ZNF274: variants seen among roughly 807,000 people sequenced by gnomAD.
The protein encoded by ZNF274 is neurotrophin receptor-interacting factor homolog.
Under a neutral mutation model 42.5 loss-of-function variants are expected in ZNF274, and 23 were observed. The ratio of observed to expected loss-of-function variants is 0.54; its 90% CI spans 0.39 to 0.77. ZNF274 has a LOEUF of 0.77. Among genes scored for constraint, ZNF274 ranks in the 30% least tolerant of loss-of-function variants. The pLI, the probability that ZNF274 is intolerant of heterozygous loss-of-function variation, is 0.00. For missense variants in ZNF274, 679 were observed against 806.5 expected, an observed-to-expected ratio of 0.84 and a Z score of 1.91; for synonymous variants, 292 against 305.4, an observed-to-expected ratio of 0.96 and a Z score of 0.46.
intron 4 of ZNF274, among the ~76,000 whole-genome samples, chr19:58,201,012 G>T (rs1008705023): frequency 7.8e-5 from 11 of 140,984 alleles, no homozygotes; most frequent in African/African-American, 1.6e-4. Context: ...TGTTTGTTTT[G>T]TTTTTTTTTT....
At position 58,211,781 on chromosome 19, in the gene ZNF274, C is replaced by T. The variant is rs1484444260; in HGVS notation, c.979+95C>T. ...CACCTTCTCTAGACTCCACACTGGG[C>T]ATTCCCTCAAGGGGCCCTTGCTGCA... On this transcript the variant is annotated intron_variant, in intron 7 of 7. Coordinates refer to ENST00000617501, the MANE Select transcript of ZNF274 (RefSeq NM_133502.3). The surrounding 1 kb of genome is among the most constrained non-coding windows in gnomAD (Gnocchi z 4.8). The T allele has an allele frequency of 1.3e-6, 2 of 1,485,340 alleles. No homozygotes were observed. Among genetic ancestry groups the T allele is most frequent in the Non-Finnish European group, 1.8e-6 (2 of 1,111,020 alleles). 92.0% of individuals were successfully genotyped at this position (1,485,340 alleles called of 1,614,324 possible). A position where few individuals can be genotyped will look rare whatever the true frequency, so the allele number is the denominator to read the frequency against.
At chr19:58,198,845 T>C (rs1214344117) in intron 4 of ZNF274, among the ~76,000 whole-genome samples, 1 of 149,756 alleles carries the variant, frequency 6.7e-6, no homozygotes, top group Non-Finnish European at 1.5e-5. Context: ...ATTGACCACT[T>C]GCATCTGAGT....
intron 4 of ZNF274, among the ~76,000 whole-genome samples, chr19:58,191,787 T>A (rs74611720): frequency 6.6e-6 from 1 of 152,218 alleles, no homozygotes; most frequent in African/African-American, 2.4e-5. Context: ...CTTAATTAGA[T>A]GCTGTCCTTC....
rs139551547 is a variant in ZNF274, at chr19:58,212,434, C to T, written c.1253C>T (p.Ser418Leu). ...GGTGCTCTTGACACAAACCAAGTTT[C>T]GCTCCAGAAAATTGACAACCCTGAG... Reference protein sequence around the residue: ...NSGALDTNQVSLQKIDNPESQ... With the variant: ...NSGALDTNQVLLQKIDNPESQ... The change falls in exon 8 of 8, where the codon TCG becomes TTG. Residue 418 changes from serine (S) to leucine (L), a missense_variant. This residue lies in a region of ZNF274 where 456 missense variants were observed against 590.1 expected (regional missense o/e 0.77). Transcript: ENST00000617501. This position sits in a 1 kb window ranked among gnomAD's most constrained non-coding sequence, Gnocchi z 4.6. 6.0e-5 allele frequency: 96 copies of T among 1,612,624 alleles called. No individual in the cohort carries two copies. The African/African-American group carries it at 9.6e-4, about 16-fold the overall frequency.
Position 58,212,759 on chromosome 19 carries a change from GA to G in ZNF274, c.1582del (p.Ile528SerfsTer55). On this transcript the variant is annotated frameshift_variant, in exon 8 of 8. Coordinates refer to ENST00000617501, the MANE Select transcript of ZNF274 (RefSeq NM_133502.3). LOFTEE classifies it high-confidence loss of function. The surrounding 1 kb of genome is among the most constrained non-coding windows in gnomAD (Gnocchi z 4.6). ...ACCCAAGATACTTTTCTGTGCATAA[GA>G]AAATCCATACCGGAGAGAGGCCCTA... ...RNPRYFSVHK[K>X]IHTGERPYVC... 6.2e-7 allele frequency: 1 copy of G among 1,614,032 alleles called. No homozygotes were observed. Among genetic ancestry groups the G allele is most frequent in the Non-Finnish European group, 8.5e-7 (1 of 1,179,902 alleles).
Position 58,207,324 on chromosome 19 carries a change from G to A in ZNF274, c.739+122G>A. On this transcript the variant is annotated intron_variant, in intron 5 of 7. Transcript: ENST00000617501. The surrounding 1 kb of genome is among the most constrained non-coding windows in gnomAD (Gnocchi z 5.6). ...GGAAGGATTGTGTCCGCTCCATACA[G>A]ACCAAGGACATCCATGTTGCCCACG... The A allele has an allele frequency of 2.8e-6, 4 of 1,414,106 alleles. No individual in the cohort carries two copies. In the South Asian group the frequency reaches 6.0e-5, roughly 21 times the overall value. The allele number at this position is 1,414,106 out of a possible 1,614,324, so 87.6% of individuals were successfully genotyped here.
At position 58,210,081 on chromosome 19, in the gene ZNF274, G is replaced by A. The variant is rs759183313; in HGVS notation, c.852+8G>A. 6.2e-7 allele frequency: 1 copy of A among 1,611,772 alleles called. No homozygotes were observed. The highest frequency in any genetic ancestry group is 2.2e-5 in the East Asian group (1 of 44,846). Reference sequence around the variant, plus strand: ...GTGACAGTGCTCCCTGAGGTAAGCGGGGAGTATCACCCTGTTTTGGTCACA... The same window carrying A: ...GTGACAGTGCTCCCTGAGGTAAGCGAGGAGTATCACCCTGTTTTGGTCACA... On this transcript the variant is annotated splice_region_variant and intron_variant, in intron 6 of 7. Transcript: ENST00000617501.
chr19:58,207,298 G>C lies in ZNF274; in HGVS notation c.739+96G>C. 1 of 1,470,148 alleles carries C rather than the reference G, an allele frequency of 6.8e-7. No homozygotes were observed. The allele number at this position is 1,470,148 out of a possible 1,614,324, so 91.1% of individuals were successfully genotyped here. A position where few individuals can be genotyped will look rare whatever the true frequency, so the allele number is the denominator to read the frequency against. ...ACTCCAGGCTTCCTAGGAAGGTCAT[G>C]GGAAGGATTGTGTCCGCTCCATACA... On this transcript the variant is annotated intron_variant, in intron 5 of 7. Coordinates refer to ENST00000617501, the MANE Select transcript of ZNF274 (RefSeq NM_133502.3). The surrounding 1 kb of genome is among the most constrained non-coding windows in gnomAD (Gnocchi z 5.6).
At position 58,195,219 on chromosome 19, in the gene ZNF274, A is replaced by ATATG. The variant is rs2075827719; in HGVS notation, c.256+8178_256+8179insATGT. 1.4e-5 allele frequency among the ~76,000 whole-genome samples: 2 copies of ATATG among 144,938 alleles called. 1 individual carries two copies. Among genetic ancestry groups the ATATG allele is most frequent in the South Asian group, 4.2e-4 (2 of 4,716 alleles). On this transcript the variant is annotated intron_variant, in intron 4 of 7. Transcript: ENST00000617501. ...CTCAAAAAAAAAAAAATACACATATATGTGTGTGTATATATGTGTGTGTAT... is the reference window on the plus strand; with the variant it reads ...CTCAAAAAAAAAAAAATACACATATATATGTGTGTGTGTATATATGTGTGTGTAT...
At chr19:58,201,759 C>T (rs886553339) in intron 4 of ZNF274, among the ~76,000 whole-genome samples, 4 of 152,094 alleles carry the variant, frequency 2.6e-5, no homozygotes, top group African/African-American at 9.7e-5. Flanking sequence ...TTGTGATCTG[C>T]CCACCTCGGC....
chr19:58,209,383 G>A (rs780762427), intron 5 of ZNF274: 1 of 152,484 alleles, frequency 6.6e-6, no homozygotes, highest in Admixed American at 6.5e-5. Flanking sequence ...TGGACCATTT[G>A]GGGTCATGTG....
chr19:58,201,107 C>T (rs977152486), intron 4 of ZNF274, among the ~76,000 whole-genome samples: 8 of 151,096 alleles, frequency 5.3e-5, no homozygotes, highest in Non-Finnish European at 8.8e-5. Context: ...TGAGTTCAAG[C>T]GATTCTCCCA....
At chr19:58,193,267 C>T (rs2146207026) in intron 4 of ZNF274, among the ~76,000 whole-genome samples, 1 of 151,868 alleles carries the variant, frequency 6.6e-6, no homozygotes, top group South Asian at 2.1e-4. Context: ...CTGCCTCAGC[C>T]TCCCGAGTAG....
At position 58,212,330 on chromosome 19, in the gene ZNF274, G is replaced by A; in HGVS notation, c.1149G>A (p.Leu383=). 1.9e-6 allele frequency: 3 copies of A among 1,614,032 alleles called. No homozygotes were observed. The highest frequency in any genetic ancestry group is 2.5e-6 in the Non-Finnish European group (3 of 1,179,904). ...TCCAGGAAGTCCAAGACACAGTGTT[G>A]AAGCAGATGGAGTCTGCTCAGGAAA... is the stretch of plus-strand genomic sequence containing the variant. ...GGVQEVQDTV[L]KQMESAQEKD... Residue 383 remains leucine, a synonymous_variant, in exon 8 of 8, where the codon TTG becomes TTA. Transcript: ENST00000617501. This position sits in a 1 kb window ranked among gnomAD's most constrained non-coding sequence, Gnocchi z 4.6.
rs1373282154 is a variant in ZNF274 at position 58,213,010 on chromosome 19, A to T, written c.1829A>T (p.Gln610Leu). 1.2e-6 allele frequency: 2 copies of T among 1,614,010 alleles called. No homozygotes were observed. The highest frequency in any genetic ancestry group is 4.5e-5 in the East Asian group (2 of 44,888). Reference sequence around the variant, plus strand: ...CAGAGCTCCCACCTCATCAGACATCAGAGGACTCACACCGGGGAGCGCCCA... The same window carrying T: ...CAGAGCTCCCACCTCATCAGACATCTGAGGACTCACACCGGGGAGCGCCCA... The part of the protein sequence containing the change: ...FRQSSHLIRH[Q>L]RTHTGERPYA... Residue 610 changes from glutamine (Q) to leucine (L), a missense_variant, in exon 8 of 8, where the codon CAG (glutamine) becomes CTG (leucine). Transcript: ENST00000617501.
chr19:58,196,445 C>G (rs1011208481), intron 4 of ZNF274, among the ~76,000 whole-genome samples: 2 of 151,868 alleles, frequency 1.3e-5, no homozygotes, highest in East Asian at 1.9e-4. Context: ...GTCTATAGTT[C>G]CAGCTACTTG....
Position 58,211,248 on chromosome 19 carries a change from C to T in ZNF274, c.853-312C>T, listed in dbSNP as rs979109888. The T allele has an allele frequency of 8.1e-6, 2 of 245,482 alleles. No homozygotes were observed. Among genetic ancestry groups the T allele is most frequent in the Admixed American group, 1.1e-4 (2 of 18,134 alleles). 15.2% of individuals were successfully genotyped at this position (245,482 alleles called of 1,614,324 possible). A position where few individuals can be genotyped will look rare whatever the true frequency, so the allele number is the denominator to read the frequency against. On this transcript the variant is annotated intron_variant, in intron 6 of 7. Coordinates refer to ENST00000617501, the MANE Select transcript of ZNF274 (RefSeq NM_133502.3). The surrounding 1 kb of genome is among the most constrained non-coding windows in gnomAD (Gnocchi z 4.8). Reference sequence around the variant, plus strand: ...GAAGACAGTATTAATAGATGGAGAACCCTCTGCAGTGGGAAGATTTCAGCA... The same window carrying T: ...GAAGACAGTATTAATAGATGGAGAATCCTCTGCAGTGGGAAGATTTCAGCA...
chr19:58,203,429 C>T (rs908233033), intron 4 of ZNF274, among the ~76,000 whole-genome samples: 1 of 151,962 alleles, frequency 6.6e-6, no homozygotes, highest in Non-Finnish European at 1.5e-5. Context: ...ACTAAAAATA[C>T]AAAAATTAGC....
intron 4 of ZNF274, among the ~76,000 whole-genome samples, chr19:58,196,205 C>T (rs1255825100): frequency 1.3e-5 from 2 of 152,116 alleles, no homozygotes; most frequent in African/African-American, 4.8e-5. Flanking sequence ...AGGGAAGAGA[C>T]TATTATGAAG....
Sources: gnomAD v4.1 joint callset for allele counts (sites outside exome capture counted in the v4.1 genomes callset) on GRCh38, gnomAD v4.1.1 for gene constraint, gnomAD v4.1.1 regional missense constraint, Gnocchi (gnomAD v3.1) non-coding constraint, MANE v1.5 for transcripts, NCBI Gene and HGNC (gene_info 2026-07-23, HGNC 2026-07-21) for gene names.